Variants in PTPRG observed in about 807,000 individuals in gnomAD.
PTPRG encodes receptor-type tyrosine-protein phosphatase gamma.
In PTPRG, 102 loss-of-function variants were observed where a neutral mutation model predicts 165.3. The observed-to-expected ratio is 0.62, with a 90% confidence interval of 0.53 to 0.73. The LOEUF is 0.73. PTPRG is among the 30% of genes least tolerant of loss of function. The probability of loss-of-function intolerance (pLI) is 0.00; values close to 1 mark genes in which losing one functional copy is unlikely to be tolerated. For missense variants in PTPRG, 1,866 were observed against 1,861.4 expected (o/e 1.00, Z -0.05); for synonymous variants, 675 against 669.5 (o/e 1.01, Z -0.13).
intron 9 of PTPRG, among the ~76,000 whole-genome samples, chr3:62,193,302 G>T (rs1364170064): frequency 6.6e-6 from 1 of 152,174 alleles, no homozygotes; most frequent in African/African-American, 2.4e-5. Flanking sequence ...TGAAGATTTC[G>T]CTCTGAACAG....
intron 12 of PTPRG, among the ~76,000 whole-genome samples, chr3:62,215,090 G>A (rs1188886791): frequency 6.6e-6 from 1 of 152,174 alleles, no homozygotes; most frequent in Non-Finnish European, 1.5e-5. Flanking sequence ...AACCGTGACA[G>A]GGAACAGCAG....
At chr3:61,860,556 T>G (rs2037235676) in intron 2 of PTPRG, among the ~76,000 whole-genome samples, 1 of 146,416 alleles carries the variant, frequency 6.8e-6, no homozygotes, top group Admixed American at 7.0e-5. Context: ...TTATACTGCC[T>G]CAGCCTCTGG....
chr3:61,957,728 G>A (rs1201862466), intron 2 of PTPRG, among the ~76,000 whole-genome samples: 1 of 152,180 alleles, frequency 6.6e-6, no homozygotes, highest in Non-Finnish European at 1.5e-5. Flanking sequence ...ATTTCATCTT[G>A]TGTCTTACAG....
At chr3:61,860,625 G>A (rs560409965) in intron 2 of PTPRG, among the ~76,000 whole-genome samples, 59 of 151,802 alleles carry the variant, frequency 3.9e-4, no homozygotes, top group African/African-American at 1.4e-3. Context: ...TGTATTTTTA[G>A]TAGAGACAGG....
intron 4 of PTPRG, among the ~76,000 whole-genome samples, chr3:62,005,818 C>T (rs948789877): frequency 2.0e-5 from 3 of 150,396 alleles, no homozygotes; most frequent in Non-Finnish European, 4.4e-5. Flanking sequence ...TTCTCCTGCC[C>T]CAGCTTCCCA....
chr3:62,280,996 C>A (rs1193313153), intron 26 of PTPRG, among the ~76,000 whole-genome samples: 1 of 151,988 alleles, frequency 6.6e-6, no homozygotes, highest in East Asian at 1.9e-4. Flanking sequence ...ATATTGAGTA[C>A]ATTTTAGCTG....
rs1362067805 is a variant in PTPRG, at chr3:62,219,015, G to A, written c.2288+32G>A. 3.1e-6 allele frequency: 5 copies of A among 1,609,712 alleles called. No homozygotes were observed. In the African/African-American group the frequency reaches 6.7e-5, roughly 22 times the overall value. On this transcript the variant is annotated intron_variant, in intron 13 of 29. Transcript: ENST00000474889. This position sits in a 1 kb window ranked among gnomAD's most constrained non-coding sequence, Gnocchi z 4.5. ...CAGGCAGCACCTACAGCGTAGATTTGGGGGCCAGATGCTGGCCAGGTTTTG... is the reference window on the plus strand; with the variant it reads ...CAGGCAGCACCTACAGCGTAGATTTAGGGGCCAGATGCTGGCCAGGTTTTG...
chr3:61,766,910 G>A (rs115053152), intron 2 of PTPRG, among the ~76,000 whole-genome samples: 8,402 of 151,306 alleles, frequency 0.056, 415 homozygotes, highest in Non-Finnish European at 0.07. Context: ...ATGAGCCATC[G>A]CGCCCAGCCC....
intron 28 of PTPRG, among the ~76,000 whole-genome samples, chr3:62,287,000 C>T (rs1702688400): frequency 6.6e-6 from 1 of 152,030 alleles, no homozygotes; most frequent in Admixed American, 6.6e-5. Flanking sequence ...CATGTTTAAG[C>T]CATATTGTAT....
intron 4 of PTPRG, among the ~76,000 whole-genome samples, chr3:62,029,414 C>T (rs1220072374): frequency 6.6e-6 from 1 of 152,148 alleles, no homozygotes; most frequent in Non-Finnish European, 1.5e-5. Context: ...AAAAGGTGAC[C>T]AGAGGTATCT....
chr3:61,816,132 T>G (rs570308576), intron 2 of PTPRG, among the ~76,000 whole-genome samples: 22 of 152,244 alleles, frequency 1.4e-4, no homozygotes, highest in South Asian at 4.1e-4. Context: ...GTGAGGAAAT[T>G]GAGATCCAGG....
chr3:62,168,455 G>A (rs1346276864), intron 8 of PTPRG, among the ~76,000 whole-genome samples: 1 of 152,202 alleles, frequency 6.6e-6, no homozygotes, highest in East Asian at 1.9e-4. Context: ...TCTGAAAAGT[G>A]TCTTACTTTT....
intron 4 of PTPRG, among the ~76,000 whole-genome samples, chr3:62,068,537 G>A (rs1701097089): frequency 2.0e-5 from 3 of 152,176 alleles, no homozygotes; most frequent in Admixed American, 2.0e-4. Context: ...GTGCAGTGAT[G>A]CAATCACAGC....
At chr3:61,845,222 G>A (rs1376981970) in intron 2 of PTPRG, among the ~76,000 whole-genome samples, 1 of 152,210 alleles carries the variant, frequency 6.6e-6, no homozygotes, top group Non-Finnish European at 1.5e-5. Context: ...CCTGGTAGGT[G>A]CTTGGTGAAT....
At chr3:61,805,530 CAAAAAAAAA>C (rs58646519) in intron 2 of PTPRG, among the ~76,000 whole-genome samples, 1 of 96,534 alleles carries the variant, frequency 1.0e-5, no homozygotes, top group African/African-American at 3.5e-5. Flanking sequence ...ATGGGAAAGA[CAAAAAAAAA>C]AAAAAAAAAA....
Position 62,273,816 on chromosome 3 carries a change from G to T in PTPRG, c.3437G>T (p.Gly1146Val). 2 of 1,613,728 alleles carry T rather than the reference G, an allele frequency of 1.2e-6. No individual in the cohort carries two copies. Among genetic ancestry groups the T allele is most frequent in the Non-Finnish European group, 1.7e-6 (2 of 1,179,748 alleles). ...AGCATCCTTATACCAGGAGTAGGAG[G>T]AAAGACACGACTGGAAAAGCAATTC... is the stretch of plus-strand genomic sequence containing the variant. Reference protein sequence around the residue: ...VNSILIPGVGGKTRLEKQFKL... With the variant: ...VNSILIPGVGVKTRLEKQFKL... Residue 1146 changes from glycine to valine, a missense_variant, in exon 23 of 30, where the codon GGA (glycine) becomes GTA (valine). This residue lies in a region of PTPRG where 1,452 missense variants were observed against 1,463.0 expected (regional missense o/e 0.99). Coordinates refer to ENST00000474889, the MANE Select transcript of PTPRG (RefSeq NM_002841.4). This position sits in a 1 kb window ranked among gnomAD's most constrained non-coding sequence, Gnocchi z 4.1.
Position 62,255,717 on chromosome 3 carries a change from G to T in PTPRG, c.2559+502G>T, listed in dbSNP as rs367947945. Among the ~76,000 whole-genome samples the T allele has an allele frequency of 2.0e-5, 3 of 152,168 alleles. No homozygotes were observed. In the East Asian group the frequency reaches 5.8e-4, roughly 29 times the overall value. On this transcript the variant is annotated intron_variant, in intron 16 of 29. Coordinates refer to ENST00000474889, the MANE Select transcript of PTPRG (RefSeq NM_002841.4). This position sits in a 1 kb window ranked among gnomAD's most constrained non-coding sequence, Gnocchi z 4.0. Reference sequence around the variant, plus strand: ...AAATGGCACCAATGTCACCTACATTGTAACGTCGTTGGAAAAATAAATGAT... The same window carrying T: ...AAATGGCACCAATGTCACCTACATTTTAACGTCGTTGGAAAAATAAATGAT...
chr3:61,584,210 G>C (rs563680824), intron 1 of PTPRG, among the ~76,000 whole-genome samples: 5 of 152,130 alleles, frequency 3.3e-5, no homozygotes, highest in East Asian at 3.9e-4. Flanking sequence ...GTAAGGAAAT[G>C]AGTAAAACTT....
chr3:62,261,383 C>T (rs1411928161), intron 16 of PTPRG, among the ~76,000 whole-genome samples: 2 of 152,258 alleles, frequency 1.3e-5, no homozygotes, highest in Middle Eastern at 3.4e-3. Context: ...CATGTTCTTA[C>T]GTAGACTGAT....
Sources: gnomAD v4.1 joint callset for allele counts (sites outside exome capture counted in the v4.1 genomes callset) on GRCh38, gnomAD v4.1.1 for gene constraint, gnomAD v4.1.1 regional missense constraint, Gnocchi (gnomAD v3.1) non-coding constraint, MANE v1.5 for transcripts, NCBI Gene and HGNC (gene_info 2026-07-23, HGNC 2026-07-21) for gene names.